FABP7: variants seen among roughly 807,000 people sequenced by gnomAD.
The protein encoded by FABP7 is fatty acid binding protein 7.
A neutral mutation model predicts 14.2 loss-of-function variants in FABP7; 13 were observed. The observed-to-expected ratio is 0.91, with a 90% CI of 0.59 to 1.45. The LOEUF is 1.45. Ranked by LOEUF, FABP7 falls within the 40% of genes most tolerant of loss-of-function variation. The probability of loss-of-function intolerance (pLI) is 0.00; values close to 1 mark genes in which losing one functional copy is unlikely to be tolerated. For missense variants in FABP7, 149 were observed against 157.6 expected (o/e 0.95, Z 0.29); for synonymous variants, 49 against 51.4 (o/e 0.95, Z 0.20).
rs571899292 is a variant in FABP7, at chr6:122,783,709, C to T, written c.349-8C>T. 1.3e-6 allele frequency: 2 copies of T among 1,587,878 alleles called. No homozygotes were observed. The highest frequency in any genetic ancestry group is 2.3e-5 in the East Asian group (1 of 44,116). On this transcript the variant is annotated splice_region_variant and splice_polypyrimidine_tract_variant and intron_variant, in intron 3 of 3. Coordinates refer to ENST00000368444, the MANE Select transcript of FABP7 (RefSeq NM_001446.5). ...TAAAAAGATTTGATTATCTTTTGAACCTTGCAGACCCTTACTTTTGGTGAT... is the reference window on the plus strand; with the variant it reads ...TAAAAAGATTTGATTATCTTTTGAATCTTGCAGACCCTTACTTTTGGTGAT...
chr6:122,770,791 C>A, the FABP7 span, among the ~76,000 whole-genome samples: 1 of 152,134 alleles, frequency 6.6e-6, no homozygotes, highest in African/African-American at 2.4e-5. Context: ...ACTTTATTCT[C>A]CCCTTTTAAC....
At position 122,780,452 on chromosome 6, in the gene FABP7, A is replaced by G. The variant is rs1780756755; in HGVS notation, c.235A>G (p.Arg79Gly). The G allele has an allele frequency of 6.2e-7, 1 of 1,612,144 alleles. No homozygotes were observed. The highest frequency in any genetic ancestry group is 8.5e-7 in the Non-Finnish European group (1 of 1,179,544). ...GTTTGATGAAACCACTGCAGATGAT[A>G]GAAACTGTAAGGTGAGAAACTGCTT... The part of the protein sequence containing the change: ...EEFDETTADD[R>G]NCKSVVSLDG... The change falls in exon 2 of 4, where the codon AGA (arginine) becomes GGA (glycine). Residue 79 changes from arginine (R) to glycine (G), a missense_variant. Physicochemically the swap from Arg to Gly is moderately radical, Grantham distance 125 (BLOSUM62 -2). Transcript: ENST00000368444.
At chr6:122,761,026 A>G in the FABP7 span, among the ~76,000 whole-genome samples, 4 of 152,184 alleles carry the variant, frequency 2.6e-5, no homozygotes, top group African/African-American at 7.2e-5. Context: ...GAACTCAAAC[A>G]TAACTATTTA....
At chr6:122,775,074 A>G (rs922447747), upstream of FABP7, among the ~76,000 whole-genome samples, 5 of 152,158 alleles carry the variant, frequency 3.3e-5, no homozygotes, top group African/African-American at 1.2e-4. Context: ...TAAATTGTTC[A>G]TATTACCCAA....
In FABP7 at chr6:122,783,991, C is replaced by CT; in HGVS notation, c.*224_*225insT. The stretch of plus-strand genomic sequence containing the variant: ...TGAATTAAAGTTTTGTCCCCCCCCC[C>CT]CTTTTTTTTATAAACAAGTGAATAC... On this transcript the variant is annotated 3_prime_UTR_variant, in exon 4 of 4. Transcript: ENST00000368444. 1 of 357,616 alleles carries CT rather than the reference C, an allele frequency of 2.8e-6. No homozygotes were observed. The highest frequency in any genetic ancestry group is 2.2e-5 in the African/African-American group (1 of 45,266). The allele number at this position is 357,616 out of a possible 1,614,324, so 22.2% of individuals were successfully genotyped here.
the FABP7 span, among the ~76,000 whole-genome samples, chr6:122,763,190 T>G: frequency 4.6e-5 from 7 of 151,976 alleles, no homozygotes; most frequent in South Asian, 2.1e-4. Flanking sequence ...CCAAAACAGA[T>G]ATATAGATCA....
chr6:122,755,062 A>C, the FABP7 span, among the ~76,000 whole-genome samples: 22,788 of 151,988 alleles, frequency 0.15, 2,371 homozygotes, highest in East Asian at 0.49. Flanking sequence ...AAAGGCTTTA[A>C]CACCAGGGAT....
chr6:122,759,534 T>A, the FABP7 span, among the ~76,000 whole-genome samples: 15 of 152,208 alleles, frequency 9.9e-5, no homozygotes, highest in Admixed American at 9.2e-4. Flanking sequence ...ATAGCTAACA[T>A]GGATTGAGTA....
At chr6:122,779,931 A>G in intron 1 of FABP7, 64 bp downstream of exon 1, 1 of 1,488,850 alleles carries the variant, frequency 6.7e-7, no homozygotes, top group Non-Finnish European at 9.3e-7. Context: ...TGCAGATTCC[A>G]TTTTTCACTC....
chr6:122,775,931 G>A (rs1780666184), upstream of FABP7, among the ~76,000 whole-genome samples: 2 of 151,964 alleles, frequency 1.3e-5, no homozygotes, highest in Non-Finnish European at 2.9e-5. Context: ...ATGGACAACA[G>A]GCATATGAAA....
chr6:122,774,809 A>G (rs1780644207), upstream of FABP7, among the ~76,000 whole-genome samples: 1 of 152,134 alleles, frequency 6.6e-6, no homozygotes, highest in African/African-American at 2.4e-5. Context: ...AAATTCAGCA[A>G]AGTTGTAGGA....
intron 1 of FABP7, 87 bp downstream of exon 1, chr6:122,779,954 A>C: frequency 3.1e-6 from 4 of 1,285,518 alleles, no homozygotes; most frequent in Non-Finnish European, 4.5e-6. Flanking sequence ...CAGGTCAGCA[A>C]GAGGCAAAGA....
At chr6:122,762,893 G>A in the FABP7 span, among the ~76,000 whole-genome samples, 40,764 of 151,752 alleles carry the variant, frequency 0.27, 6,263 homozygotes, top group Non-Finnish European at 0.36. Flanking sequence ...AATAAAAGAG[G>A]ACAAAAATGG....
the FABP7 span, among the ~76,000 whole-genome samples, chr6:122,768,017 A>G: frequency 5.9e-5 from 9 of 152,274 alleles, no homozygotes; most frequent in East Asian, 1.7e-3. Flanking sequence ...AGGATCAACA[A>G]TACAAAATAA....
chr6:122,770,812 A>T, the FABP7 span, among the ~76,000 whole-genome samples: 2 of 152,298 alleles, frequency 1.3e-5, no homozygotes, highest in East Asian at 1.9e-4. Flanking sequence ...AAACACATTT[A>T]AAAAATGTTC....
intron 3 of FABP7, chr6:122,782,591 C>G: frequency 1.0e-6 from 1 of 985,370 alleles, no homozygotes. Flanking sequence ...TTTTGTGTGA[C>G]CTGCAATGGT....
chr6:122,760,372 T>A, the FABP7 span, among the ~76,000 whole-genome samples: 1 of 152,198 alleles, frequency 6.6e-6, no homozygotes, highest in African/African-American at 2.4e-5. Flanking sequence ...CCAGCTTCCT[T>A]ATCATTAGCA....
At chr6:122,765,790 C>T in the FABP7 span, among the ~76,000 whole-genome samples, 1 of 151,886 alleles carries the variant, frequency 6.6e-6, no homozygotes, top group Non-Finnish European at 1.5e-5. Context: ...ATCCTTGCTC[C>T]TGTGTCATAG....
chr6:122,774,521 T>C, the FABP7 span, among the ~76,000 whole-genome samples: 1 of 152,148 alleles, frequency 6.6e-6, no homozygotes, highest in African/African-American at 2.4e-5. Flanking sequence ...AATAAGCTAC[T>C]ATTTGAAAGC....
Sources: gnomAD v4.1 joint callset for allele counts (sites outside exome capture counted in the v4.1 genomes callset) on GRCh38, gnomAD v4.1.1 for gene constraint, MANE v1.5 for transcripts, NCBI Gene and HGNC (gene_info 2026-07-23, HGNC 2026-07-21) for gene names.